The following TMCO5A variants were observed in gnomAD, a reference collection of about 807,000 sequenced individuals.
TMCO5A encodes transmembrane and coiled-coil domain-containing protein 5A.
Under a neutral mutation model 42.3 loss-of-function variants are expected in TMCO5A, and 34 were observed. The observed-to-expected ratio is 0.80, with a 90% CI of 0.61 to 1.07. TMCO5A has a LOEUF of 1.07. Ranked by LOEUF, TMCO5A falls within the 50% of genes least tolerant of loss-of-function variation. TMCO5A has a pLI of 0.00. For missense variants in TMCO5A, 357 were observed against 327.9 expected, an observed-to-expected ratio of 1.09 and a Z score of -0.69; for synonymous variants, 131 against 115.6, an observed-to-expected ratio of 1.13 and a Z score of -0.86.
chr15:37,955,460 A>G (rs1890263398), downstream of TMCO5A, among the ~76,000 whole-genome samples: 1 of 152,096 alleles, frequency 6.6e-6, no homozygotes, highest in East Asian at 1.9e-4. Context: ...CTGATAAAAC[A>G]AACTTTAAAC....
the TMCO5A span, among the ~76,000 whole-genome samples, chr15:37,996,934 T>A: frequency 6.6e-6 from 1 of 152,230 alleles, no homozygotes; most frequent in Non-Finnish European, 1.5e-5. Context: ...CGAAGAATAT[T>A]ATTTCTATAA....
chr15:38,006,938 T>C, the TMCO5A span, among the ~76,000 whole-genome samples: 3 of 152,082 alleles, frequency 2.0e-5, no homozygotes, highest in Admixed American at 1.3e-4. Flanking sequence ...AAATCTGCCA[T>C]TGTAGCACTA....
intron 11 of TMCO5A, among the ~76,000 whole-genome samples, chr15:37,958,324 T>A (rs747115914): frequency 2.0e-5 from 3 of 151,990 alleles, no homozygotes; most frequent in African/African-American, 7.2e-5. Context: ...TGGGAGAAAA[T>A]TTTTGCAATC....
chr15:38,037,192 G>T, the TMCO5A span, among the ~76,000 whole-genome samples: 2 of 152,084 alleles, frequency 1.3e-5, no homozygotes, highest in African/African-American at 4.8e-5. Context: ...GCAATAGGTG[G>T]GGCTAATGCT....
the TMCO5A span, among the ~76,000 whole-genome samples, chr15:37,973,297 A>G: frequency 6.6e-6 from 1 of 151,904 alleles, no homozygotes; most frequent in Non-Finnish European, 1.5e-5. Context: ...GTTCCATATG[A>G]ATTTTGAATA....
chr15:37,965,794 A>G (rs1302137461), intron 11 of TMCO5A, among the ~76,000 whole-genome samples: 1 of 152,246 alleles, frequency 6.6e-6, no homozygotes, highest in Non-Finnish European at 1.5e-5. Context: ...GAACACTCAT[A>G]CATTGTTAGT....
chr15:37,942,939 CAAA>C (rs1889800471), intron 9 of TMCO5A: 1 of 154,936 alleles, frequency 6.5e-6, no homozygotes, highest in African/African-American at 2.4e-5. Context: ...AACAAGAGAT[CAAA>C]ACTGCATATA....
At chr15:38,000,375 C>T in the TMCO5A span, among the ~76,000 whole-genome samples, 1 of 151,848 alleles carries the variant, frequency 6.6e-6, no homozygotes, top group Admixed American at 6.6e-5. Context: ...TCTCCTTTTT[C>T]ATCTCAGAAT....
chr15:37,953,211 A>C (rs1259260247), downstream of TMCO5A, among the ~76,000 whole-genome samples: 1 of 152,140 alleles, frequency 6.6e-6, no homozygotes, highest in African/African-American at 2.4e-5. Flanking sequence ...CAGGGCCTTG[A>C]GTGAACATAG....
chr15:37,953,125 G>A (rs1005261485), downstream of TMCO5A, among the ~76,000 whole-genome samples: 6 of 152,142 alleles, frequency 3.9e-5, no homozygotes, highest in Non-Finnish European at 8.8e-5. Context: ...ACATGCACAG[G>A]GCCAGGGGTA....
At chr15:37,950,885 G>C (rs1375882711) in intron 11 of TMCO5A, 151 bp from the exon 12 acceptor site, 2 of 644,746 alleles carry the variant, frequency 3.1e-6, no homozygotes, top group East Asian at 5.4e-5. Flanking sequence ...ATATGGGAGG[G>C]GGAGCTGCCA....
At position 37,936,423 on chromosome 15, in the gene TMCO5A, C is replaced by G. The variant is rs1180266397; in HGVS notation, c.100C>G (p.Leu34Val). Residue 34 changes from leucine (L) to valine (V), a missense_variant, in exon 3 of 12, where the codon CTT becomes GTT. Leu to Val is a conservative substitution (Grantham distance 32). Transcript: ENST00000319669. ...TQRIDEANQK[L>V]LLKIQEREDK... ...GAGAATAGATGAAGCAAATCAGAAACTTCTTCTCAAAATCCAAGAGAGGGA... is the reference window on the plus strand; with the variant it reads ...GAGAATAGATGAAGCAAATCAGAAAGTTCTTCTCAAAATCCAAGAGAGGGA... 1.9e-6 allele frequency: 3 copies of G among 1,612,982 alleles called. No individual in the cohort carries two copies. The highest frequency in any genetic ancestry group is 2.5e-6 in the Non-Finnish European group (3 of 1,179,394).
chr15:38,026,348 G>A, the TMCO5A span, among the ~76,000 whole-genome samples: 1,043 of 152,240 alleles, frequency 6.9e-3, 9 homozygotes, highest in African/African-American at 0.023. Flanking sequence ...TTCTTGTCAC[G>A]ATTTAGCAAA....
chr15:37,997,563 A>C, the TMCO5A span, among the ~76,000 whole-genome samples: 1 of 152,294 alleles, frequency 6.6e-6, no homozygotes, highest in Non-Finnish European at 1.5e-5. Flanking sequence ...ATGGCTGAAT[A>C]GTACTCCATA....
chr15:37,979,073 C>CCT, the TMCO5A span, among the ~76,000 whole-genome samples: 1 of 151,904 alleles, frequency 6.6e-6, no homozygotes, highest in Non-Finnish European at 1.5e-5. Context: ...GATCCAATCA[C>CCT]CTCCCACCAG....
chr15:38,003,222 G>GTCTCTC, the TMCO5A span, among the ~76,000 whole-genome samples: 45 of 147,052 alleles, frequency 3.1e-4, no homozygotes, highest in African/African-American at 1.1e-3. Context: ...CCCAAACAGA[G>GTCTCTC]TCTCTCTCTC....
the TMCO5A span, among the ~76,000 whole-genome samples, chr15:38,010,459 G>GCACACACACACACACACA: frequency 1.1e-5 from 1 of 87,366 alleles, no homozygotes; most frequent in Non-Finnish European, 2.5e-5. Context: ...ACACACACAG[G>GCACACACACACACACACA]AAGGGGCCAT....
At chr15:37,970,882 C>T (rs1890661592), downstream of TMCO5A, among the ~76,000 whole-genome samples, 2 of 152,220 alleles carry the variant, frequency 1.3e-5, no homozygotes, top group Admixed American at 1.3e-4. Flanking sequence ...GGCAGCTCTG[C>T]CCCTGTGGCT....
the TMCO5A span, among the ~76,000 whole-genome samples, chr15:38,009,714 A>G: frequency 6.6e-6 from 1 of 152,332 alleles, no homozygotes; most frequent in Admixed American, 6.5e-5. Context: ...CTGGGTTCAC[A>G]CTGGCTTCAC....
Sources: allele counts gnomAD v4.1 joint callset (sites outside exome capture counted in the v4.1 genomes callset), GRCh38; gene constraint gnomAD v4.1.1; transcripts MANE v1.5; gene names NCBI Gene and HGNC (gene_info 2026-07-23, HGNC 2026-07-21).